The following KCNC2 variants were observed in gnomAD, a reference collection of about 807,000 sequenced individuals.
The protein encoded by KCNC2 is voltage-gated potassium channel KCNC2.
In KCNC2, 21 loss-of-function variants were observed where a neutral mutation model predicts 44.5. The ratio of observed to expected loss-of-function variants is 0.47; its 90% CI spans 0.33 to 0.68. KCNC2 has a LOEUF of 0.68. KCNC2 is among the 30% of genes least tolerant of loss of function. The pLI, the probability that KCNC2 is intolerant of heterozygous loss-of-function variation, is 0.01. For missense variants in KCNC2, 589 were observed against 826.2 expected (o/e 0.71, Z 3.52); for synonymous variants, 391 against 339.1 (o/e 1.15, Z -1.68).
rs561379059 is a variant in KCNC2 at position 75,191,011 on chromosome 12, A to G, written c.687+16286T>C. 3.3e-5 allele frequency among the ~76,000 whole-genome samples: 5 copies of G among 152,268 alleles called. No individual in the cohort carries two copies. In the South Asian group the frequency reaches 6.2e-4, roughly 19 times the overall value. On this transcript the variant is annotated intron_variant, in intron 2 of 4. Coordinates refer to ENST00000549446, the MANE Select transcript of KCNC2 (RefSeq NM_139137.4). ...AGAATTCAGTAAGATAACTATACCT[A>G]TGATTAATGTACTAAAAGTAGTAGC...
chr12:75,050,262 C>A, intron 3 of KCNC2, 128 bp downstream of exon 3: 1 of 700,516 alleles, frequency 1.4e-6, no homozygotes, highest in Non-Finnish European at 2.4e-6. Context: ...CACAAACACA[C>A]ATTTCGTGAA....
chr12:75,140,721 A>T (rs539621306), intron 2 of KCNC2, among the ~76,000 whole-genome samples: 1 of 152,054 alleles, frequency 6.6e-6, no homozygotes, highest in South Asian at 2.1e-4. Context: ...AAAAAAAGTG[A>T]AGAATAATCA....
chr12:75,154,807 A>T (rs920660750), intron 2 of KCNC2, among the ~76,000 whole-genome samples: 4 of 152,044 alleles, frequency 2.6e-5, no homozygotes, highest in African/African-American at 9.7e-5. Flanking sequence ...AAAACTAAAT[A>T]CACAGCATAT....
chr12:75,048,691 C>G (rs1880826718), intron 3 of KCNC2, among the ~76,000 whole-genome samples: 1 of 152,030 alleles, frequency 6.6e-6, no homozygotes, highest in Non-Finnish European at 1.5e-5. Flanking sequence ...AAAATGGAAC[C>G]TATTTAAGAA....
At chr12:75,144,483 T>C (rs1889874275) in intron 2 of KCNC2, among the ~76,000 whole-genome samples, 1 of 152,176 alleles carries the variant, frequency 6.6e-6, no homozygotes, top group Non-Finnish European at 1.5e-5. Flanking sequence ...TAGTGGCATA[T>C]GCTTGTAGTT....
intron 2 of KCNC2, among the ~76,000 whole-genome samples, chr12:75,054,931 T>C (rs1232328533): frequency 6.6e-6 from 1 of 152,192 alleles, no homozygotes; most frequent in Admixed American, 6.6e-5. Flanking sequence ...TATCTGAACT[T>C]AATTCTAAGC....
In KCNC2 at chr12:75,209,677, G is replaced by A. The variant is rs893319703; in HGVS notation, c.-490C>T. The A allele has an allele frequency of 1.3e-5, 2 of 152,610 alleles. No homozygotes were observed. Among genetic ancestry groups the A allele is most frequent in the African/African-American group, 4.8e-5 (2 of 41,452 alleles). The allele number at this position is 152,610 out of a possible 1,614,324, so 9.5% of individuals were successfully genotyped here. On this transcript the variant is annotated 5_prime_UTR_variant, in exon 1 of 5. Coordinates refer to ENST00000549446, the MANE Select transcript of KCNC2 (RefSeq NM_139137.4). ...TTTCTCCCCCAAATCAGCCACTGCTGGAGCTGTCCCTTCAGCACCACTCGC... is the reference window on the plus strand; with the variant it reads ...TTTCTCCCCCAAATCAGCCACTGCTAGAGCTGTCCCTTCAGCACCACTCGC...
chr12:75,057,672 A>T (rs981548810), intron 2 of KCNC2, among the ~76,000 whole-genome samples: 6 of 152,020 alleles, frequency 3.9e-5, no homozygotes, highest in Admixed American at 6.6e-5. Flanking sequence ...TTTTATATCT[A>T]TATCCACATA....
chr12:75,182,520 C>CAAAAAAAAAAAAAAAAAAA (rs71438888), intron 2 of KCNC2, among the ~76,000 whole-genome samples: 4 of 81,400 alleles, frequency 4.9e-5, no homozygotes, highest in Non-Finnish European at 7.7e-5. Context: ...GATTCCGTCT[C>CAAAAAAAAAAAAAAAAAAA]AAAAAAAAAA....
intron 4 of KCNC2, among the ~76,000 whole-genome samples, chr12:75,046,476 T>C (rs1332980987): frequency 6.6e-6 from 1 of 151,790 alleles, no homozygotes; most frequent in Non-Finnish European, 1.5e-5. Flanking sequence ...GTATAAATAT[T>C]ACATGTGATA....
intron 2 of KCNC2, among the ~76,000 whole-genome samples, chr12:75,088,296 T>G (rs1197197962): frequency 6.6e-6 from 1 of 152,068 alleles, no homozygotes; most frequent in East Asian, 1.9e-4. Flanking sequence ...AAATAATCTA[T>G]TCCATAAACA....
At chr12:75,091,099 T>C (rs1279414293) in intron 2 of KCNC2, among the ~76,000 whole-genome samples, 2 of 151,724 alleles carry the variant, frequency 1.3e-5, no homozygotes, top group Admixed American at 1.3e-4. Context: ...ATTGTGCTTC[T>C]CCTGATGCAA....
intron 2 of KCNC2, among the ~76,000 whole-genome samples, chr12:75,143,846 A>G (rs1889829084): frequency 6.6e-6 from 1 of 152,164 alleles, no homozygotes; most frequent in South Asian, 2.1e-4. Context: ...AACTCTTATT[A>G]TGTATAATTT....
chr12:75,089,651 A>G (rs1885311151), intron 2 of KCNC2, among the ~76,000 whole-genome samples: 1 of 151,904 alleles, frequency 6.6e-6, no homozygotes, highest in East Asian at 1.9e-4. Context: ...TTTCTTTACA[A>G]GTGAGGACTT....
Position 75,079,339 on chromosome 12 carries a change from C to T in KCNC2, c.688-28022G>A, listed in dbSNP as rs963743365. 2.0e-5 allele frequency among the ~76,000 whole-genome samples: 3 copies of T among 152,014 alleles called. No individual in the cohort carries two copies. The East Asian group carries it at 5.8e-4, about 29-fold the overall frequency. On this transcript the variant is annotated intron_variant, in intron 2 of 4. Transcript: ENST00000549446. ...CTTCCATAGGAGATGAAGTTTCCTCCACCACTGGATATAGAGACTACATGT... is the reference window on the plus strand; with the variant it reads ...CTTCCATAGGAGATGAAGTTTCCTCTACCACTGGATATAGAGACTACATGT...
intron 2 of KCNC2, among the ~76,000 whole-genome samples, chr12:75,143,409 A>G (rs1361165896): frequency 6.6e-6 from 1 of 152,184 alleles, no homozygotes; most frequent in Non-Finnish European, 1.5e-5. Flanking sequence ...CTCAGAGGAC[A>G]ACCTGCCTTC....
At chr12:75,048,094 G>T in intron 4 of KCNC2, 59 bp downstream of exon 4, 1 of 1,455,316 alleles carries the variant, frequency 6.9e-7, no homozygotes, top group Non-Finnish European at 9.6e-7. Flanking sequence ...ATTACTCCAT[G>T]TATTTCCAAC....
At chr12:75,087,476 T>C (rs1407226548) in intron 2 of KCNC2, among the ~76,000 whole-genome samples, 1 of 152,132 alleles carries the variant, frequency 6.6e-6, no homozygotes, top group Non-Finnish European at 1.5e-5. Flanking sequence ...ATTTCAGCAA[T>C]GTTTAAACCT....
chr12:75,179,779 A>G (rs1388670122), intron 2 of KCNC2, among the ~76,000 whole-genome samples: 1 of 151,474 alleles, frequency 6.6e-6, no homozygotes, highest in African/African-American at 2.4e-5. Context: ...AAGATATAAA[A>G]CTACTTTTAT....
Sources: gnomAD v4.1 joint callset for allele counts (sites outside exome capture counted in the v4.1 genomes callset) on GRCh38, gnomAD v4.1.1 for gene constraint, MANE v1.5 for transcripts, NCBI Gene and HGNC (gene_info 2026-07-23, HGNC 2026-07-21) for gene names.